The following CBLB variants were observed in gnomAD, a reference collection of about 807,000 sequenced individuals.
The protein encoded by CBLB is Cbl proto-oncogene B.
CBLB carries 31 observed loss-of-function variants against 104.9 expected under a neutral mutation model. The observed-to-expected ratio is 0.30, with a 90% CI of 0.22 to 0.40. The LOEUF is 0.40. CBLB is among the 10% of genes least tolerant of loss of function. CBLB has a pLI of 1.00. For synonymous variants in CBLB, 440 were observed against 422.6 expected, an observed-to-expected ratio of 1.04 and a Z score of -0.51; for missense variants, 1,062 against 1,214.6, an observed-to-expected ratio of 0.87 and a Z score of 1.87.
At chr3:105,670,404 C>A (rs780413423) in intron 17 of CBLB, 52 bp from the exon 18 acceptor site, 1 of 1,469,618 alleles carries the variant, frequency 6.8e-7, no homozygotes, top group East Asian at 2.3e-5. Flanking sequence ...TGTTGATTGG[C>A]TGAAGAAAAA....
intron 13 of CBLB, among the ~76,000 whole-genome samples, chr3:105,686,497 C>T (rs2067024854): frequency 6.6e-6 from 1 of 151,566 alleles, no homozygotes; most frequent in Admixed American, 6.6e-5. Context: ...TTTGCAGCAC[C>T]TTCTATAGAG....
chr3:105,828,672 TG>T (rs2153073117), intron 3 of CBLB, among the ~76,000 whole-genome samples: 1 of 152,334 alleles, frequency 6.6e-6, no homozygotes, highest in Non-Finnish European at 1.5e-5. Flanking sequence ...ATTTCACTCT[TG>T]ACCCTAGGGC....
chr3:105,763,071 G>A (rs2077822394), intron 4 of CBLB, among the ~76,000 whole-genome samples: 1 of 152,168 alleles, frequency 6.6e-6, no homozygotes, highest in Non-Finnish European at 1.5e-5. Context: ...CTGGATTTCG[G>A]ACTTGTGTGG....
At chr3:105,815,558 A>G (rs1230102883) in intron 3 of CBLB, among the ~76,000 whole-genome samples, 1 of 152,210 alleles carries the variant, frequency 6.6e-6, no homozygotes, top group Non-Finnish European at 1.5e-5. Flanking sequence ...CAGATGCTGG[A>G]GACGATGTGG....
intron 13 of CBLB, among the ~76,000 whole-genome samples, chr3:105,691,560 T>C (rs1342242710): frequency 1.3e-5 from 2 of 152,238 alleles, no homozygotes; most frequent in Non-Finnish European, 2.9e-5. Flanking sequence ...ATTTAATCTC[T>C]AATTAGCAAG....
chr3:105,718,253 C>T lies in CBLB; in HGVS notation c.1407+1794G>A, dbSNP rs193235015. Among the ~76,000 whole-genome samples the T allele has an allele frequency of 6.3e-4, 96 of 152,184 alleles. No individual in the cohort carries two copies. In the East Asian group the frequency reaches 8.7e-3, roughly 14 times the overall value. On this transcript the variant is annotated intron_variant, in intron 10 of 18. Transcript: ENST00000394030. ...ATCTTTCAGGATTAAAGAGTGAAAT[C>T]GTGTAGTTTCTCTGAGTGTTAAATT...
Position 105,850,437 on chromosome 3 carries a change from T to C in CBLB, c.419+2977A>G, listed in dbSNP as rs545862923. On this transcript the variant is annotated intron_variant, in intron 3 of 18. Coordinates refer to ENST00000394030, the MANE Select transcript of CBLB (RefSeq NM_170662.5). ...GGTTTTCCTATGTCAGAAAACTAAATACAGAGAGGTTAAGAGTCTCACACT... is the reference window on the plus strand; with the variant it reads ...GGTTTTCCTATGTCAGAAAACTAAACACAGAGAGGTTAAGAGTCTCACACT... Among the ~76,000 whole-genome samples the C allele has an allele frequency of 9.5e-4, 145 of 152,234 alleles. 1 individual carries two copies. The highest frequency in any genetic ancestry group is 3.4e-3 in the African/African-American group (143 of 41,568).
Position 105,681,581 on chromosome 3 carries a change from C to G in CBLB, c.2326G>C (p.Val776Leu), listed in dbSNP as rs140412295. 3.7e-6 allele frequency: 6 copies of G among 1,613,842 alleles called. No homozygotes were observed. Among genetic ancestry groups the G allele is most frequent in the Non-Finnish European group, 5.1e-6 (6 of 1,179,950 alleles). ...GGAGGCCTGGCAGGTGGTAATGGCA[C>G]GGGATCAGAGGCTGAATCAAAAACA... Reference protein sequence around the residue: ...GDVFDSASDPVPLPPARPPTR... With the variant: ...GDVFDSASDPLPLPPARPPTR... The change falls in exon 16 of 19, where the codon GTG (valine) becomes CTG (leucine). Residue 776 changes from valine to leucine, a missense_variant. By Grantham distance (32) the Val-to-Leu change is conservative (BLOSUM62 1). Coordinates refer to ENST00000394030, the MANE Select transcript of CBLB (RefSeq NM_170662.5).
At chr3:105,846,344 C>G (rs1269622423) in intron 3 of CBLB, among the ~76,000 whole-genome samples, 1 of 151,942 alleles carries the variant, frequency 6.6e-6, no homozygotes, top group East Asian at 1.9e-4. Flanking sequence ...CATTCCCTTT[C>G]ATGTATCATT....
intron 18 of CBLB, among the ~76,000 whole-genome samples, chr3:105,665,799 G>C (rs1408152818): frequency 1.3e-5 from 2 of 151,470 alleles, no homozygotes; most frequent in Non-Finnish European, 1.5e-5. Context: ...GGGAGGCCGA[G>C]GTGGGCGGAT....
At chr3:105,821,624 T>C (rs1168909993) in intron 3 of CBLB, among the ~76,000 whole-genome samples, 1 of 152,148 alleles carries the variant, frequency 6.6e-6, no homozygotes, top group African/African-American at 2.4e-5. Flanking sequence ...CATTTGGACT[T>C]TCCTCTTTGA....
At chr3:105,765,977 T>G (rs1235528858) in intron 4 of CBLB, among the ~76,000 whole-genome samples, 1 of 152,190 alleles carries the variant, frequency 6.6e-6, no homozygotes, top group African/African-American at 2.4e-5. Flanking sequence ...CAAAACCTCG[T>G]GGAAAGGATT....
intron 9 of CBLB, among the ~76,000 whole-genome samples, chr3:105,731,960 C>T (rs1039862287): frequency 1.3e-5 from 2 of 152,136 alleles, no homozygotes; most frequent in South Asian, 2.1e-4. Flanking sequence ...AATACACAAG[C>T]CCTGCATGGA....
chr3:105,868,239 T>C (rs866039363), intron 1 of CBLB: 1 of 1,231,650 alleles, frequency 8.1e-7, no homozygotes, highest in Non-Finnish European at 1.0e-6. Context: ...AATAGCCCAT[T>C]TGAAAAGAGA....
At chr3:105,851,900 T>C (rs1442161073) in intron 3 of CBLB, among the ~76,000 whole-genome samples, 1 of 152,192 alleles carries the variant, frequency 6.6e-6, no homozygotes, top group East Asian at 1.9e-4. Context: ...AGTGATGTCA[T>C]AGTCATCACA....
intron 3 of CBLB, among the ~76,000 whole-genome samples, chr3:105,822,871 C>T (rs1397407138): frequency 3.3e-5 from 5 of 152,172 alleles, no homozygotes; most frequent in Admixed American, 3.3e-4. Context: ...ATCAAACAAA[C>T]AAACATAGTT....
chr3:105,849,581 CA>C (rs1309510285), intron 3 of CBLB, among the ~76,000 whole-genome samples: 2 of 152,036 alleles, frequency 1.3e-5, no homozygotes, highest in African/African-American at 4.8e-5. Context: ...GCAAAACTAT[CA>C]AAATTATCAA....
At chr3:105,791,404 T>G (rs1249373599) in intron 3 of CBLB, among the ~76,000 whole-genome samples, 1 of 152,228 alleles carries the variant, frequency 6.6e-6, no homozygotes, top group Admixed American at 6.5e-5. Context: ...AAATGATTCA[T>G]CTGATAAATA....
chr3:105,722,110 G>A (rs1231526136), intron 9 of CBLB, among the ~76,000 whole-genome samples: 1 of 150,100 alleles, frequency 6.7e-6, no homozygotes, highest in Non-Finnish European at 1.5e-5. Flanking sequence ...TGAGCTGGGG[G>A]CTTCGCTTGA....
Sources: allele counts gnomAD v4.1 joint callset (sites outside exome capture counted in the v4.1 genomes callset), GRCh38; gene constraint gnomAD v4.1.1; transcripts MANE v1.5; gene names NCBI Gene and HGNC (gene_info 2026-07-23, HGNC 2026-07-21).